Variants in TGFBRAP1 observed in about 807,000 individuals in gnomAD.
TGFBRAP1 encodes transforming growth factor-beta receptor-associated protein 1.
Under a neutral mutation model 83.2 loss-of-function variants are expected in TGFBRAP1, and 20 were observed. The ratio of observed to expected loss-of-function variants is 0.24; its 90% CI spans 0.17 to 0.35. TGFBRAP1 has a LOEUF of 0.35. Ranked by LOEUF, TGFBRAP1 falls within the 10% of genes least tolerant of loss-of-function variation. TGFBRAP1 has a pLI of 1.00. For missense variants in TGFBRAP1, 950 were observed against 1,099.4 expected, an observed-to-expected ratio of 0.86 and a Z score of 1.92; for synonymous variants, 415 against 459.8, an observed-to-expected ratio of 0.90 and a Z score of 1.25.
At chr2:105,293,218 A>C (rs1677974080) in intron 4 of TGFBRAP1, among the ~76,000 whole-genome samples, 1 of 152,238 alleles carries the variant, frequency 6.6e-6, no homozygotes, top group Non-Finnish European at 1.5e-5. Flanking sequence ...CTTAAATATA[A>C]ACACCATCCA....
chr2:105,307,065 TA>T (rs1033848764), intron 2 of TGFBRAP1, among the ~76,000 whole-genome samples: 5 of 152,108 alleles, frequency 3.3e-5, no homozygotes, highest in African/African-American at 1.2e-4. Context: ...GGTGGGGACT[TA>T]AGGCAGAAGC....
chr2:105,250,342 C>T, the TGFBRAP1 span, among the ~76,000 whole-genome samples: 1 of 152,188 alleles, frequency 6.6e-6, no homozygotes, highest in Admixed American at 6.5e-5. Flanking sequence ...TGCCCTGGGT[C>T]TCTATGTTCC....
chr2:105,316,460 TGTGCGCGCGC>T (rs1425467393), intron 1 of TGFBRAP1, among the ~76,000 whole-genome samples: 2,704 of 66,714 alleles, frequency 0.041, 29 homozygotes, highest in Middle Eastern at 0.1. Context: ...TGTGTGTGTG[TGTGCGCGCGC>T]GCGCGCGCGC....
rs371897430 is a variant in TGFBRAP1, at chr2:105,307,822, G to A, written c.480C>T (p.Ile160=). 27 of 1,614,010 alleles carry A rather than the reference G, an allele frequency of 1.7e-5. No homozygotes were observed. The highest frequency in any genetic ancestry group is 1.3e-4 in the Admixed American group (8 of 60,000). The change falls in exon 2 of 12, where the codon ATC becomes ATT. Residue 160 remains isoleucine (I), a synonymous_variant. Transcript: ENST00000393359. ...MFLVYEDRVQ[I]VKEVSTAEQP... The stretch of plus-strand genomic sequence containing the variant: ...GCTCGGCAGTCGACACCTCCTTGAC[G>A]ATCTGCACCCGGTCCTCGTACACCA...
intron 1 of TGFBRAP1, among the ~76,000 whole-genome samples, chr2:105,309,634 C>CA (rs1678630362): frequency 6.6e-6 from 1 of 152,184 alleles, no homozygotes; most frequent in Non-Finnish European, 1.5e-5. Flanking sequence ...AGTGAGACTC[C>CA]AGCCCCCTTC....
chr2:105,314,249 C>CTTTTTTT, intron 1 of TGFBRAP1, among the ~76,000 whole-genome samples: 1 of 118,644 alleles, frequency 8.4e-6, no homozygotes, highest in Non-Finnish European at 1.7e-5. Context: ...AGTACTTTCT[C>CTTTTTTT]TTTTTTTTTT....
rs1312113485 is a variant in TGFBRAP1 at position 105,290,615 on chromosome 2, CAGTGTGTG to C, written c.1038+5733_1038+5740del. ...AGAGAGAAAGAGAGAAACAGAGAGA[CAGTGTGTG>C]TGTGTGTGTGTGTGTGTGTGTGTGT... On this transcript the variant is annotated intron_variant, in intron 4 of 11. Coordinates refer to ENST00000393359, the MANE Select transcript of TGFBRAP1 (RefSeq NM_004257.6). 1.5e-4 allele frequency among the ~76,000 whole-genome samples: 16 copies of C among 103,864 alleles called. No homozygotes were observed. The East Asian group carries it at 3.2e-3, about 21-fold the overall frequency. The allele number at this position is 103,864 out of a possible 152,430, so 68.1% of individuals were successfully genotyped here.
chr2:105,302,664 G>A lies in TGFBRAP1; in HGVS notation c.689-3959C>T, dbSNP rs988326586. On this transcript the variant is annotated intron_variant, in intron 2 of 11. Transcript: ENST00000393359. Reference sequence around the variant, plus strand: ...CCCTAAAAATAAAGGTTACCTATGGGAGAGGGAGACTTGGTAAAAAGCTAG... The same window carrying A: ...CCCTAAAAATAAAGGTTACCTATGGAAGAGGGAGACTTGGTAAAAAGCTAG... Among the ~76,000 whole-genome samples the A allele has an allele frequency of 2.0e-5, 3 of 152,186 alleles. No homozygotes were observed. In the East Asian group the frequency reaches 5.8e-4, roughly 29 times the overall value.
intron 1 of TGFBRAP1, among the ~76,000 whole-genome samples, chr2:105,327,971 T>C (rs1679270833): frequency 6.6e-6 from 1 of 152,214 alleles, no homozygotes; most frequent in Non-Finnish European, 1.5e-5. Flanking sequence ...TAACAATTAC[T>C]CAAAACATAA....
chr2:105,268,989 G>C (rs1414121769), intron 11 of TGFBRAP1, among the ~76,000 whole-genome samples: 2 of 152,166 alleles, frequency 1.3e-5, no homozygotes, highest in Non-Finnish European at 2.9e-5. Flanking sequence ...GCACATGCTG[G>C]GTAAGCGCCT....
chr2:105,320,464 G>A (rs1479106249), intron 1 of TGFBRAP1, among the ~76,000 whole-genome samples: 1 of 149,910 alleles, frequency 6.7e-6, no homozygotes, highest in African/African-American at 2.4e-5. Context: ...TCTAACATTT[G>A]GACCAAAGCC....
chr2:105,287,129 G>A (rs1445823332), intron 4 of TGFBRAP1, among the ~76,000 whole-genome samples: 2 of 151,822 alleles, frequency 1.3e-5, no homozygotes, highest in Non-Finnish European at 2.9e-5. Context: ...CCCCGGATGC[G>A]AGGTCCCTAG....
At chr2:105,268,733 T>A (rs943119785) in intron 11 of TGFBRAP1, among the ~76,000 whole-genome samples, 3 of 152,150 alleles carry the variant, frequency 2.0e-5, no homozygotes, top group African/African-American at 7.2e-5. Flanking sequence ...GCCAGCCATG[T>A]GGAATTTAGG....
At chr2:105,290,369 C>A (rs111249402) in intron 4 of TGFBRAP1, among the ~76,000 whole-genome samples, 8,884 of 152,178 alleles carry the variant, frequency 0.058, 363 homozygotes, top group African/African-American at 0.11. Flanking sequence ...ACCTGGCCAG[C>A]AATTTCATTT....
At chr2:105,305,198 A>G (rs1455693069) in intron 2 of TGFBRAP1, among the ~76,000 whole-genome samples, 2 of 152,244 alleles carry the variant, frequency 1.3e-5, no homozygotes, top group South Asian at 2.1e-4. Flanking sequence ...CTAAAAAAAT[A>G]AAGTCTATTT....
chr2:105,250,941 C>T, the TGFBRAP1 span, among the ~76,000 whole-genome samples: 1 of 152,232 alleles, frequency 6.6e-6, no homozygotes, highest in African/African-American at 2.4e-5. Context: ...CAGACGGAGT[C>T]GCGTTCACTC....
chr2:105,316,467 GCGCGCGCGCGCGCA>G (rs1327202447), intron 1 of TGFBRAP1, among the ~76,000 whole-genome samples: 27 of 58,252 alleles, frequency 4.6e-4, no homozygotes, highest in African/African-American at 9.8e-4. Context: ...GTGTGTGCGC[GCGCGCGCGCGCGCA>G]CGCGCACATA....
At chr2:105,277,260 A>G (rs1296129465) in intron 7 of TGFBRAP1, among the ~76,000 whole-genome samples, 1 of 152,250 alleles carries the variant, frequency 6.6e-6, no homozygotes, top group Admixed American at 6.5e-5. Context: ...AGTGATCATC[A>G]CTAACAGTGG....
intron 2 of TGFBRAP1, among the ~76,000 whole-genome samples, chr2:105,305,826 T>C (rs925491259): frequency 3.3e-5 from 5 of 151,876 alleles, no homozygotes; most frequent in African/African-American, 1.2e-4. Context: ...AGGCTAATTT[T>C]TGTATTTTTA....
Sources: allele counts gnomAD v4.1 joint callset (sites outside exome capture counted in the v4.1 genomes callset), GRCh38; gene constraint gnomAD v4.1.1; transcripts MANE v1.5; gene names NCBI Gene and HGNC (gene_info 2026-07-23, HGNC 2026-07-21).